The following CFAP95 variants were observed in gnomAD, a reference collection of about 807,000 sequenced individuals.
CFAP95 encodes the protein cilia- and flagella-associated protein 95.
the CFAP95 span, among the ~76,000 whole-genome samples, chr9:69,903,850 A>C: frequency 0.13 from 20,190 of 151,898 alleles, 1,842 homozygotes; most frequent in African/African-American, 0.26. Context: ...CCTCAGCATC[A>C]CGAGTAGCTG....
chr9:69,884,361 T>G, the CFAP95 span: 1 of 152,218 alleles, frequency 6.6e-6, no homozygotes, highest in East Asian at 1.9e-4. Flanking sequence ...ACTCCTGGCT[T>G]TAAGAGATCT....
chr9:69,882,653 T>G, the CFAP95 span, among the ~76,000 whole-genome samples: 23 of 152,184 alleles, frequency 1.5e-4, no homozygotes, highest in Admixed American at 1.5e-3. Context: ...ATGTGTATTA[T>G]AAAGGGATGT....
chr9:69,898,778 A>G, the CFAP95 span, among the ~76,000 whole-genome samples: 1 of 152,158 alleles, frequency 6.6e-6, no homozygotes, highest in African/African-American at 2.4e-5. Context: ...TCTCTAGGCC[A>G]TCTGTCCCAC....
chr9:69,875,410 T>A, the CFAP95 span, among the ~76,000 whole-genome samples: 5 of 152,228 alleles, frequency 3.3e-5, no homozygotes, highest in East Asian at 5.8e-4. Context: ...TCTCTTTATA[T>A]TCTAATTTTA....
chr9:69,842,728 C>A, the CFAP95 span, among the ~76,000 whole-genome samples: 2 of 152,168 alleles, frequency 1.3e-5, no homozygotes, highest in African/African-American at 4.8e-5. Context: ...CAATATCCCC[C>A]CTGAGGACTT....
At chr9:69,842,953 A>T in the CFAP95 span, among the ~76,000 whole-genome samples, 3 of 152,172 alleles carry the variant, frequency 2.0e-5, no homozygotes, top group African/African-American at 7.2e-5. Context: ...ATGGGAATGT[A>T]GTGCAGGGGC....
chr9:69,853,766 C>G, the CFAP95 span, among the ~76,000 whole-genome samples: 2 of 152,134 alleles, frequency 1.3e-5, no homozygotes, highest in South Asian at 4.1e-4. Context: ...TGTAAAGGGT[C>G]TGGAGGATAG....
chr9:69,905,172 A>T, the CFAP95 span, among the ~76,000 whole-genome samples: 1 of 152,310 alleles, frequency 6.6e-6, no homozygotes, highest in Non-Finnish European at 1.5e-5. Flanking sequence ...ATTTTCAATT[A>T]TTTTTGACAA....
At chr9:69,849,342 TAAAC>T in the CFAP95 span, among the ~76,000 whole-genome samples, 2 of 149,502 alleles carry the variant, frequency 1.3e-5, no homozygotes, top group Non-Finnish European at 1.5e-5. Context: ...ATGAAGGAAG[TAAAC>T]AAAGAAGGAA....
At chr9:69,861,056 ATTG>A in the CFAP95 span, among the ~76,000 whole-genome samples, 3 of 152,218 alleles carry the variant, frequency 2.0e-5, no homozygotes, top group Non-Finnish European at 4.4e-5. Context: ...GTTGTTTATT[ATTG>A]TTATCAAGTA....
the CFAP95 span, among the ~76,000 whole-genome samples, chr9:69,849,528 A>G: frequency 6.6e-6 from 1 of 152,192 alleles, no homozygotes; most frequent in African/African-American, 2.4e-5. Flanking sequence ...ATAGGTTCCT[A>G]GGGGAAATGG....
At chr9:69,902,092 A>G in the CFAP95 span, among the ~76,000 whole-genome samples, 7 of 152,276 alleles carry the variant, frequency 4.6e-5, no homozygotes, top group Admixed American at 3.9e-4. Context: ...GATCCTATGT[A>G]TTTTTTGCCA....
chr9:69,891,010 A>T, the CFAP95 span, among the ~76,000 whole-genome samples: 1 of 152,214 alleles, frequency 6.6e-6, no homozygotes, highest in Admixed American at 6.5e-5. Flanking sequence ...AATTTCAATT[A>T]AAGATACCTT....
chr9:69,895,210 C>A, the CFAP95 span, among the ~76,000 whole-genome samples: 1 of 151,872 alleles, frequency 6.6e-6, no homozygotes, highest in Non-Finnish European at 1.5e-5. Context: ...CAGTTTATAG[C>A]CTTAAGTGCA....
the CFAP95 span, among the ~76,000 whole-genome samples, chr9:69,855,832 C>A: frequency 6.6e-6 from 1 of 152,086 alleles, no homozygotes; most frequent in South Asian, 2.1e-4. Context: ...TAAAAAACAA[C>A]AACAACAACA....
the CFAP95 span, among the ~76,000 whole-genome samples, chr9:69,868,939 C>A: frequency 6.6e-6 from 1 of 152,058 alleles, no homozygotes; most frequent in Non-Finnish European, 1.5e-5. Context: ...TAAATCATAA[C>A]TCAAATGAGA....
At chr9:69,837,492 C>T in the CFAP95 span, among the ~76,000 whole-genome samples, 30 of 152,308 alleles carry the variant, frequency 2.0e-4, no homozygotes, top group East Asian at 5.4e-3. Flanking sequence ...TGATGATGAG[C>T]ATTTTTTCAC....
At chr9:69,858,452 T>A in the CFAP95 span, among the ~76,000 whole-genome samples, 1 of 152,210 alleles carries the variant, frequency 6.6e-6, no homozygotes, top group Non-Finnish European at 1.5e-5. Flanking sequence ...GTTGGTGATC[T>A]TGTTTAAGAC....
At chr9:69,882,928 G>T in the CFAP95 span, among the ~76,000 whole-genome samples, 1 of 152,096 alleles carries the variant, frequency 6.6e-6, no homozygotes, top group Non-Finnish European at 1.5e-5. Flanking sequence ...ATGTGTCTTT[G>T]TCTGGTTTTG....
Sources: gnomAD v4.1 joint callset for allele counts (sites outside exome capture counted in the v4.1 genomes callset) on GRCh38, gnomAD v4.1.1 for gene constraint, MANE v1.5 for transcripts, NCBI Gene and HGNC (gene_info 2026-07-23, HGNC 2026-07-21) for gene names.